The following PTBP2 variants were observed in gnomAD, a reference collection of about 807,000 sequenced individuals.
The protein encoded by PTBP2 is polypyrimidine tract binding protein 2, also known as polypyrimidine tract-binding protein 2.
PTBP2 carries 13 observed loss-of-function variants against 61.4 expected under a neutral mutation model. That is an observed-to-expected ratio of 0.21 (90% CI 0.14 to 0.34). The LOEUF is 0.34. Among genes scored for constraint, PTBP2 ranks in the 10% least tolerant of loss-of-function variants. The probability of loss-of-function intolerance (pLI) is 1.00; values close to 1 mark genes in which losing one functional copy is unlikely to be tolerated. For missense variants in PTBP2, 405 were observed against 642.6 expected, an observed-to-expected ratio of 0.63 and a Z score of 4.00; for synonymous variants, 215 against 218.5, an observed-to-expected ratio of 0.98 and a Z score of 0.14.
intron 8 of PTBP2, among the ~76,000 whole-genome samples, chr1:96,791,997 CTAA>C (rs1331506346): frequency 2.0e-5 from 3 of 151,770 alleles, no homozygotes; most frequent in African/African-American, 7.3e-5. Flanking sequence ...CCACGCCCAG[CTAA>C]TTTCTTCATA....
intron 8 of PTBP2, among the ~76,000 whole-genome samples, chr1:96,800,395 CT>C (rs376568803): frequency 0.015 from 1,834 of 125,176 alleles, 13 homozygotes; most frequent in Non-Finnish European, 0.021. Context: ...CATTCTCTGG[CT>C]TTTTTTTTTT....
intron 3 of PTBP2, among the ~76,000 whole-genome samples, chr1:96,764,618 T>A (rs1318975583): frequency 6.6e-6 from 1 of 152,226 alleles, no homozygotes; most frequent in African/African-American, 2.4e-5. Context: ...TAGAACTCTT[T>A]TAAGATTTTC....
At chr1:96,725,375 C>T (rs1650271737) in intron 2 of PTBP2, among the ~76,000 whole-genome samples, 1 of 150,044 alleles carries the variant, frequency 6.7e-6, no homozygotes, top group African/African-American at 2.4e-5. Context: ...TCCTGGCTCA[C>T]TACAAGCTCC....
chr1:96,812,656 T>G (rs1463985092), intron 11 of PTBP2, 56 bp from the exon 12 acceptor site: 1 of 1,322,354 alleles, frequency 7.6e-7, no homozygotes, highest in East Asian at 2.4e-5. Flanking sequence ...TTAAAAGAAT[T>G]ATGTTTGTTT....
chr1:96,771,767 G>C (rs1217062287), intron 5 of PTBP2, among the ~76,000 whole-genome samples: 2 of 151,812 alleles, frequency 1.3e-5, no homozygotes, highest in African/African-American at 2.4e-5. Context: ...TTATACTTAT[G>C]GTGTACAATG....
intron 8 of PTBP2, among the ~76,000 whole-genome samples, chr1:96,791,096 T>C (rs1032074685): frequency 6.6e-6 from 1 of 152,168 alleles, no homozygotes; most frequent in East Asian, 1.9e-4. Flanking sequence ...TTGTCGTATG[T>C]GTACTTTTGT....
chr1:96,774,508 A>G (rs1488613793), intron 5 of PTBP2, among the ~76,000 whole-genome samples: 1 of 152,178 alleles, frequency 6.6e-6, no homozygotes, highest in Admixed American at 6.5e-5. Context: ...GAGTTTCATA[A>G]TAGAAGACAT....
chr1:96,751,720 C>T (rs1654574061), intron 3 of PTBP2, among the ~76,000 whole-genome samples: 2 of 148,730 alleles, frequency 1.3e-5, no homozygotes, highest in Admixed American at 1.3e-4. Context: ...AATTTGATTG[C>T]TTTTCATTTT....
downstream of PTBP2, chr1:96,815,069 A>G (rs1024073658): frequency 6.6e-6 from 1 of 152,562 alleles, no homozygotes; most frequent in Non-Finnish European, 1.5e-5. Flanking sequence ...GTTTTTTTTA[A>G]TTTAAAAGAT....
chr1:96,787,166 G>T (rs1659299639), intron 8 of PTBP2, among the ~76,000 whole-genome samples: 1 of 151,986 alleles, frequency 6.6e-6, no homozygotes, highest in Non-Finnish European at 1.5e-5. Context: ...GACTACAGGC[G>T]TGTACCACCA....
At chr1:96,790,182 A>G (rs557810854) in intron 8 of PTBP2, among the ~76,000 whole-genome samples, 1 of 152,166 alleles carries the variant, frequency 6.6e-6, no homozygotes, top group South Asian at 2.1e-4. Flanking sequence ...CTGTTTCTTT[A>G]GAGTGTCATG....
chr1:96,729,271 C>T (rs1326908318), intron 2 of PTBP2, among the ~76,000 whole-genome samples: 1 of 152,210 alleles, frequency 6.6e-6, no homozygotes. Context: ...ATACACTTAC[C>T]TAGGCCTCCC....
intron 11 of PTBP2, among the ~76,000 whole-genome samples, chr1:96,807,862 G>T (rs1661651595): frequency 6.6e-6 from 1 of 152,142 alleles, no homozygotes; most frequent in Non-Finnish European, 1.5e-5. Context: ...TTTTAAAATG[G>T]TGGTATGTGT....
At chr1:96,737,084 A>C (rs1652310150) in intron 2 of PTBP2, among the ~76,000 whole-genome samples, 1 of 151,018 alleles carries the variant, frequency 6.6e-6, no homozygotes, top group Admixed American at 6.6e-5. Context: ...GGTTCACGCC[A>C]TTCTCCTGCC....
At chr1:96,726,652 T>C (rs1419780107) in intron 2 of PTBP2, among the ~76,000 whole-genome samples, 1 of 152,158 alleles carries the variant, frequency 6.6e-6, no homozygotes, top group Non-Finnish European at 1.5e-5. Flanking sequence ...TTAGCCAGGA[T>C]AGTCTCTATC....
chr1:96,800,866 C>T (rs1055913364), intron 8 of PTBP2, among the ~76,000 whole-genome samples: 3 of 151,712 alleles, frequency 2.0e-5, no homozygotes, highest in African/African-American at 7.3e-5. Context: ...ATGTTCTAAA[C>T]AGTATTATAC....
chr1:96,806,784 TATGTC>T (rs1448882282), intron 10 of PTBP2, 77 bp from the exon 11 acceptor site: 2 of 966,246 alleles, frequency 2.1e-6, no homozygotes, highest in Admixed American at 4.3e-5. Context: ...GTTTCATTGA[TATGTC>T]AGAAAGATAA....
At chr1:96,806,213 C>T (rs1341237523) in intron 9 of PTBP2, among the ~76,000 whole-genome samples, 1 of 152,046 alleles carries the variant, frequency 6.6e-6, no homozygotes, top group Non-Finnish European at 1.5e-5. Flanking sequence ...CATTCCCTGT[C>T]TCCATTCCCT....
chr1:96,815,092 T>C (rs952032264), downstream of PTBP2: 2 of 152,532 alleles, frequency 1.3e-5, no homozygotes, highest in African/African-American at 4.8e-5. Flanking sequence ...TAACTGCTTT[T>C]CAGGAGGACA....
Sources: gnomAD v4.1 joint callset for allele counts (sites outside exome capture counted in the v4.1 genomes callset) on GRCh38, gnomAD v4.1.1 for gene constraint, MANE v1.5 for transcripts, NCBI Gene and HGNC (gene_info 2026-07-23, HGNC 2026-07-21) for gene names.